Variants in FAM120C observed in about 807,000 individuals in gnomAD.
FAM120C encodes the protein family with sequence similarity 120 member C.
In FAM120C, 14 loss-of-function variants were observed where a neutral mutation model predicts 71.2. That is an observed-to-expected ratio of 0.20 (90% CI 0.13 to 0.31). The LOEUF (loss-of-function observed/expected upper bound fraction) is 0.31. FAM120C is among the 10% of genes least tolerant of loss of function. FAM120C has a pLI of 1.00. For synonymous variants in FAM120C, 354 were observed against 353.2 expected (o/e 1.00, Z -0.03); for missense variants, 500 against 879.0 (o/e 0.57, Z 5.45).
intron 1 of FAM120C, among the ~76,000 whole-genome samples, chrX:54,164,666 A>G (rs1264874870): frequency 1.8e-5 from 2 of 112,239 alleles, no homozygotes; most frequent in Admixed American, 9.5e-5. Context: ...ATCAACAGAC[A>G]TTTGGGTTGC....
In FAM120C at chrX:54,183,061, A is replaced by C; in HGVS notation, c.138T>G (p.Thr46=). 2 of 1,157,091 alleles carry C rather than the reference A, an allele frequency of 1.7e-6. No homozygotes were observed. The highest frequency in any genetic ancestry group is 2.3e-6 in the Non-Finnish European group (2 of 871,618). The change falls in exon 1 of 16, where the codon ACT becomes ACG. Residue 46 remains threonine, a synonymous_variant. Transcript: ENST00000375180. ...QQHLHRQLPP[T]AALAPGAPRA... ...GTGGAGCCCCGGGCGCTAGGGCTGC[A>C]GTCGGCGGCAGCTGGCGGTGCAAGT...
At position 54,071,365 on chromosome X, in the gene FAM120C, G is replaced by A. The variant is rs2066707912; in HGVS notation, c.*1668C>T. On this transcript the variant is annotated 3_prime_UTR_variant, in exon 16 of 16. Coordinates refer to ENST00000375180, the MANE Select transcript of FAM120C (RefSeq NM_017848.6). ...AAGGCCCAGGCCAGAGTCCTCTAAA[G>A]TCTTCCTTGCAAAGCAAATGAAAAG... 1 of 112,985 alleles carries A rather than the reference G, an allele frequency of 8.9e-6. No individual in the cohort carries two copies. Among genetic ancestry groups the A allele is most frequent in the African/African-American group, 3.2e-5 (1 of 31,147 alleles). The allele number at this position is 112,985 out of a possible 1,213,427, so 9.3% of individuals were successfully genotyped here. A position where few individuals can be genotyped will look rare whatever the true frequency, so the allele number is the denominator to read the frequency against.
intron 9 of FAM120C, among the ~76,000 whole-genome samples, chrX:54,129,827 G>A (rs1349635939): frequency 2.7e-5 from 3 of 111,645 alleles, no homozygotes; most frequent in Non-Finnish European, 5.7e-5. Context: ...AGACCAGCCC[G>A]GCCAACACAG....
At chrX:54,082,157 C>T (rs2066769054) in intron 13 of FAM120C, among the ~76,000 whole-genome samples, 1 of 102,249 alleles carries the variant, frequency 9.8e-6, no homozygotes, top group Admixed American at 1.1e-4. Flanking sequence ...CACTCCACTC[C>T]AGCCTGGGGG....
chrX:54,114,443 G>GT (rs781874208), intron 10 of FAM120C, among the ~76,000 whole-genome samples: 2,257 of 108,730 alleles, frequency 0.021, 24 homozygotes, highest in Middle Eastern at 0.087. Context: ...TGTTTTTTTG[G>GT]TTTTTTTTTG....
At position 54,127,873 on chromosome X, in the gene FAM120C, G is replaced by A. The variant is rs185908851; in HGVS notation, c.2062+4819C>T. On this transcript the variant is annotated intron_variant, in intron 9 of 15. Transcript: ENST00000375180. ...CTCCCTAGGTATTGAGATTACAGAC[G>A]TGAGCCACCATGCCTGGCCCAGGTA... Among the ~76,000 whole-genome samples the A allele has an allele frequency of 1.5e-3, 171 of 110,885 alleles. 2 individuals are homozygous for A. The highest frequency in any genetic ancestry group is 5.3e-3 in the African/African-American group (162 of 30,515).
At chrX:54,160,515 T>G (rs781991826) in intron 1 of FAM120C, among the ~76,000 whole-genome samples, 1 of 111,396 alleles carries the variant, frequency 9.0e-6, no homozygotes, top group African/African-American at 3.3e-5. Flanking sequence ...GAGATCACTA[T>G]TTTTTATGTA....
At position 54,113,240 on chromosome X, in the gene FAM120C, T is replaced by A. The variant is rs1360215679; in HGVS notation, c.2312+3305A>T. On this transcript the variant is annotated intron_variant, in intron 10 of 15. Coordinates refer to ENST00000375180, the MANE Select transcript of FAM120C (RefSeq NM_017848.6). ...ATTTTGGGAGGTCAAGGCGGGTGGA[T>A]CACCTGAGGTCAGGAGTTCAAGACC... 1.6e-4 allele frequency among the ~76,000 whole-genome samples: 18 copies of A among 109,276 alleles called. No individual in the cohort carries two copies. In the Admixed American group the frequency reaches 1.7e-3, roughly 10 times the overall value. The allele number at this position is 109,276 out of a possible 115,157, so 94.9% of individuals were successfully genotyped here. A position where few individuals can be genotyped will look rare whatever the true frequency, so the allele number is the denominator to read the frequency against.
chrX:54,110,626 C>T (rs2066931716), intron 10 of FAM120C, among the ~76,000 whole-genome samples: 1 of 110,857 alleles, frequency 9.0e-6, no homozygotes, highest in Non-Finnish European at 1.9e-5. Context: ...AAAATTTGCC[C>T]ACTTTCTGGC....
intron 3 of FAM120C, among the ~76,000 whole-genome samples, chrX:54,156,902 A>G (rs2067212717): frequency 9.5e-6 from 1 of 105,224 alleles, no homozygotes; most frequent in African/African-American, 3.5e-5. Flanking sequence ...AAAAAAAAAA[A>G]AAAAAAATGA....
chrX:54,135,537 T>C lies in FAM120C; in HGVS notation c.1326A>G (p.Gly442=). 1 of 1,210,045 alleles carries C rather than the reference T, an allele frequency of 8.3e-7. No individual in the cohort carries two copies. The highest frequency in any genetic ancestry group is 1.1e-6 in the Non-Finnish European group (1 of 894,458). ...CTTAAAGGATGCTTACCATTGGCTT[T>C]CCAGCAGAAATGGTGCCCACTTGAT... is the stretch of plus-strand genomic sequence containing the variant. The part of the protein sequence containing the change: ...PRNQVGTISA[G]KPMFSHQVPQ... Residue 442 remains glycine, a synonymous_variant, in exon 6 of 16, where the codon GGA becomes GGG. Coordinates refer to ENST00000375180, the MANE Select transcript of FAM120C (RefSeq NM_017848.6).
Position 54,134,898 on chromosome X carries a change from G to A in FAM120C, c.1549C>T (p.Pro517Ser). The change falls in exon 7 of 16, where the codon CCT (proline) becomes TCT (serine). Residue 517 changes from proline (P) to serine (S), a missense_variant. Physicochemically the swap from Pro to Ser is moderately conservative, Grantham distance 74 (BLOSUM62 -1). This residue lies in a region of FAM120C where 85 missense variants were observed against 84.9 expected (regional missense o/e 1.00). Transcript: ENST00000375180. ...GAGTGGGAAGAGTCTGGTCCCAAAG[G>A]AGGTGAGGCTTTAGAAGGCAGGTAA... ...PNYLPSKASP[P>S]LGPDSSHSSS... The A allele has an allele frequency of 2.5e-6, 3 of 1,211,601 alleles. No homozygotes were observed. Among genetic ancestry groups the A allele is most frequent in the Middle Eastern group, 2.3e-4 (1 of 4,345 alleles).
intron 10 of FAM120C, among the ~76,000 whole-genome samples, chrX:54,111,202 C>A (rs2066935510): frequency 9.0e-6 from 1 of 110,584 alleles, no homozygotes; most frequent in Non-Finnish European, 1.9e-5. Flanking sequence ...GCCTTGGTGA[C>A]AGAGCAGGAT....
intron 1 of FAM120C, among the ~76,000 whole-genome samples, chrX:54,174,820 G>T (rs1557136448): frequency 8.9e-6 from 1 of 111,835 alleles, no homozygotes; most frequent in East Asian, 2.8e-4. Context: ...TAAGGCCTAC[G>T]GGCTGCCAGT....
intron 4 of FAM120C, among the ~76,000 whole-genome samples, chrX:54,139,398 T>G (rs1315348422): frequency 9.3e-6 from 1 of 107,485 alleles, no homozygotes; most frequent in Non-Finnish European, 1.9e-5. Flanking sequence ...CAGGTTGGAG[T>G]GCAGTGGCAC....
intron 10 of FAM120C, among the ~76,000 whole-genome samples, chrX:54,101,179 G>C (rs1019245255): frequency 4.5e-5 from 5 of 111,553 alleles, no homozygotes; most frequent in African/African-American, 1.3e-4. Context: ...CAAGGTTTAC[G>C]ACTTGTACCT....
At chrX:54,081,981 G>A (rs1379124150) in intron 13 of FAM120C, among the ~76,000 whole-genome samples, 5 of 108,728 alleles carry the variant, frequency 4.6e-5, no homozygotes, top group Non-Finnish European at 7.6e-5. Flanking sequence ...TCAGGAGTTC[G>A]AGAGCAGCCT....
At chrX:54,130,712 T>C (rs1316856436) in intron 9 of FAM120C, among the ~76,000 whole-genome samples, 1 of 111,500 alleles carries the variant, frequency 9.0e-6, no homozygotes, top group Non-Finnish European at 1.9e-5. Flanking sequence ...TCTAGGTTCT[T>C]CATTTGGCCT....
rs1557134117 is a variant in FAM120C at position 54,159,446 on chromosome X, G to T, written c.870C>A (p.Asn290Lys). The T allele has an allele frequency of 8.3e-7, 1 of 1,211,303 alleles. No homozygotes were observed. The highest frequency in any genetic ancestry group is 3.0e-5 in the East Asian group (1 of 33,828). ...LSWNGKNLTT[N>K]QFLMQEVAKQ... is the part of the protein sequence containing the mutation. The stretch of plus-strand genomic sequence containing the variant: ...TGGCTACTTCTTGCATCAGGAACTG[G>T]TTGGTAGTGAGGTTCTTCCCATTCC... The change falls in exon 2 of 16, where the codon AAC (asparagine) becomes AAA (lysine). Residue 290 changes from asparagine to lysine, a missense_variant. Transcript: ENST00000375180.
Sources: gnomAD v4.1 joint callset for allele counts (sites outside exome capture counted in the v4.1 genomes callset) on GRCh38, gnomAD v4.1.1 for gene constraint, gnomAD v4.1.1 regional missense constraint, MANE v1.5 for transcripts, NCBI Gene and HGNC (gene_info 2026-07-23, HGNC 2026-07-21) for gene names.